ERC1: variants seen among roughly 807,000 people sequenced by gnomAD.
ERC1 encodes the protein RAB6 interacting protein 2.
ERC1 carries 56 observed loss-of-function variants against 132.0 expected under a neutral mutation model. That is an observed-to-expected ratio of 0.42 (90% confidence interval 0.34 to 0.53). ERC1 has a LOEUF of 0.53. Ranked by LOEUF, ERC1 falls within the 20% of genes least tolerant of loss-of-function variation. ERC1 has a pLI of 0.03. For missense variants in ERC1, 1,202 were observed against 1,349.9 expected, an observed-to-expected ratio of 0.89 and a Z score of 1.72; for synonymous variants, 478 against 476.1, an observed-to-expected ratio of 1.00 and a Z score of -0.05.
intron 14 of ERC1, among the ~76,000 whole-genome samples, chr12:1,270,269 G>A (rs1481091819): frequency 6.6e-6 from 1 of 151,904 alleles, no homozygotes; most frequent in Admixed American, 6.5e-5. Context: ...GTGCAGCGGT[G>A]GGATCTTGGC....
At chr12:1,100,582 G>T (rs1481217097) in intron 3 of ERC1, among the ~76,000 whole-genome samples, 1 of 152,140 alleles carries the variant, frequency 6.6e-6, no homozygotes, top group African/African-American at 2.4e-5. Context: ...TTTGAAAATG[G>T]GAAGAGCAGG....
chr12:1,022,418 T>C (rs1386544349), intron 1 of ERC1, among the ~76,000 whole-genome samples: 2 of 152,204 alleles, frequency 1.3e-5, no homozygotes, highest in African/African-American at 2.4e-5. Context: ...TTTTATTTCA[T>C]TTAAAACAAA....
intron 18 of ERC1, among the ~76,000 whole-genome samples, chr12:1,471,584 A>C (rs2093862784): frequency 6.6e-6 from 1 of 152,188 alleles, no homozygotes; most frequent in African/African-American, 2.4e-5. Context: ...TGAGGAGGTT[A>C]ATTTGGAGTG....
chr12:1,335,041 G>A (rs903126612), intron 15 of ERC1, among the ~76,000 whole-genome samples: 1 of 152,132 alleles, frequency 6.6e-6, no homozygotes, highest in Admixed American at 6.5e-5. Flanking sequence ...GACTGTTGGT[G>A]TAGAGGAATG....
intron 16 of ERC1, among the ~76,000 whole-genome samples, chr12:1,390,179 C>T (rs2089824845): frequency 6.6e-6 from 1 of 152,012 alleles, no homozygotes; most frequent in Admixed American, 6.5e-5. Context: ...TAGTAGTAAA[C>T]ACTGGTATGT....
intron 16 of ERC1, among the ~76,000 whole-genome samples, chr12:1,379,375 C>G (rs2088342288): frequency 6.6e-6 from 1 of 152,184 alleles, no homozygotes; most frequent in African/African-American, 2.4e-5. Flanking sequence ...CCTTGAAGAT[C>G]CAGTGGCAGC....
chr12:1,421,803 G>A (rs1455400582), intron 17 of ERC1, among the ~76,000 whole-genome samples: 2 of 151,430 alleles, frequency 1.3e-5, no homozygotes, highest in Admixed American at 6.6e-5. Context: ...GGATCATGAG[G>A]TCAGGAGATC....
intron 4 of ERC1, among the ~76,000 whole-genome samples, chr12:1,107,101 C>T (rs888963285): frequency 6.6e-6 from 1 of 152,200 alleles, no homozygotes; most frequent in South Asian, 2.1e-4. Flanking sequence ...CCTCTTCTTC[C>T]TCTCTTTCCT....
intron 17 of ERC1, among the ~76,000 whole-genome samples, chr12:1,431,892 C>T (rs2092806868): frequency 6.6e-6 from 1 of 152,018 alleles, no homozygotes; most frequent in African/African-American, 2.4e-5. Flanking sequence ...TGTATAGTTA[C>T]ACTTTTGGTT....
intron 2 of ERC1, among the ~76,000 whole-genome samples, chr12:1,070,401 G>T (rs1386517655): frequency 6.6e-6 from 1 of 151,576 alleles, no homozygotes; most frequent in Non-Finnish European, 1.5e-5. Context: ...CCTGGGCTCA[G>T]GGAAACCTCC....
chr12:1,052,519 T>C (rs1324393805), intron 2 of ERC1, among the ~76,000 whole-genome samples: 2 of 152,184 alleles, frequency 1.3e-5, no homozygotes, highest in African/African-American at 4.8e-5. Flanking sequence ...ATAAGTGCTC[T>C]TTAGGTTAAG....
At chr12:1,156,064 A>T (rs1424437592) in intron 8 of ERC1, among the ~76,000 whole-genome samples, 1 of 152,002 alleles carries the variant, frequency 6.6e-6, no homozygotes, top group Non-Finnish European at 1.5e-5. Context: ...AAACAACTGG[A>T]ATCATACTTT....
At chr12:1,249,974 C>A (rs2076375307) in intron 13 of ERC1, among the ~76,000 whole-genome samples, 1 of 152,198 alleles carries the variant, frequency 6.6e-6, no homozygotes, top group African/African-American at 2.4e-5. Context: ...GCTCCACCTC[C>A]TAATACCATC....
chr12:1,025,794 GT>G (rs1172351394), intron 1 of ERC1, among the ~76,000 whole-genome samples: 143 of 127,588 alleles, frequency 1.1e-3, no homozygotes, highest in East Asian at 4.5e-3. Flanking sequence ...AAAAAGGAAA[GT>G]TTTTTTTTTT....
rs774105584 is a variant in ERC1, at chr12:1,163,978, A to AGT, written c.1738-16560_1738-16559dup. Among the ~76,000 whole-genome samples the AGT allele has an allele frequency of 9.2e-5, 14 of 152,300 alleles. No homozygotes were observed. The East Asian group carries it at 1.7e-3, about 19-fold the overall frequency. ...TGATCCGCCTGTCATGGCCTCCTGA[A>AGT]GTGCTGGATTACGGGCCTCAGCCAC... On this transcript the variant is annotated intron_variant, in intron 8 of 18. Coordinates refer to ENST00000360905, the MANE Select transcript of ERC1 (RefSeq NM_178040.4).
At chr12:1,130,685 A>G (rs1025341753) in intron 7 of ERC1, among the ~76,000 whole-genome samples, 1 of 145,632 alleles carries the variant, frequency 6.9e-6, no homozygotes, top group African/African-American at 2.5e-5. Flanking sequence ...TACCTTGACT[A>G]TTTTGATATC....
At chr12:1,448,403 C>T (rs1485388426) in intron 18 of ERC1, among the ~76,000 whole-genome samples, 1 of 152,192 alleles carries the variant, frequency 6.6e-6, no homozygotes, top group African/African-American at 2.4e-5. Context: ...CAACCCATTT[C>T]GTGCTTCCTT....
At position 1,166,320 on chromosome 12, in the gene ERC1, T is replaced by C. The variant is rs76373889; in HGVS notation, c.1738-14220T>C. Among the ~76,000 whole-genome samples, 50 of 152,318 alleles carry C rather than the reference T, an allele frequency of 3.3e-4. No individual in the cohort carries two copies. In the East Asian group the frequency reaches 9.1e-3, roughly 28 times the overall value. ...GAAGCTCCCCTGCACAAGCTCTCTC[T>C]GTCTTTGCCTTGTGCCTTCCAAGCA... On this transcript the variant is annotated intron_variant, in intron 8 of 18. Transcript: ENST00000360905.
intron 17 of ERC1, among the ~76,000 whole-genome samples, chr12:1,434,561 C>T (rs1489168537): frequency 1.3e-5 from 2 of 152,172 alleles, no homozygotes; most frequent in East Asian, 1.9e-4. Context: ...TTGTTCTTTG[C>T]GCTCATTCCA....
Sources: allele counts gnomAD v4.1 joint callset (sites outside exome capture counted in the v4.1 genomes callset), GRCh38; gene constraint gnomAD v4.1.1; transcripts MANE v1.5; gene names NCBI Gene and HGNC (gene_info 2026-07-23, HGNC 2026-07-21).